The following PDE3B variants were observed in gnomAD, a reference collection of about 807,000 sequenced individuals.
PDE3B encodes the protein phosphodiesterase 3B, also known as cGMP-inhibited 3',5'-cyclic phosphodiesterase 3B.
Under a neutral mutation model 116.8 loss-of-function variants are expected in PDE3B, and 66 were observed. The ratio of observed to expected loss-of-function variants is 0.56; its 90% CI spans 0.46 to 0.69. The LOEUF (loss-of-function observed/expected upper bound fraction) is 0.69. Among genes scored for constraint, PDE3B ranks in the 30% least tolerant of loss-of-function variants. The pLI is 0.00. For missense variants in PDE3B, 1,384 were observed against 1,368.1 expected (o/e 1.01, Z -0.18); for synonymous variants, 595 against 533.6 (o/e 1.12, Z -1.59).
chr11:14,725,733 T>A (rs972925686), intron 1 of PDE3B, among the ~76,000 whole-genome samples: 1 of 150,802 alleles, frequency 6.6e-6, no homozygotes, highest in Non-Finnish European at 1.5e-5. Context: ...ACTTCAATTA[T>A]ATGCACTATT....
At chr11:14,838,743 A>G (rs1364306954) in intron 11 of PDE3B, among the ~76,000 whole-genome samples, 1 of 152,210 alleles carries the variant, frequency 6.6e-6, no homozygotes, top group Non-Finnish European at 1.5e-5. Context: ...AACCTGGGGG[A>G]TATATGTCTG....
chr11:14,693,391 T>C (rs144557740), intron 1 of PDE3B, among the ~76,000 whole-genome samples: 1 of 152,320 alleles, frequency 6.6e-6, no homozygotes, highest in African/African-American at 2.4e-5. Context: ...GCTAGGACTT[T>C]CTAGCTAGAG....
rs1859889381 is a variant in PDE3B, at chr11:14,831,748, G to C, written c.2065G>C (p.Gly689Arg). Residue 689 changes from glycine (G) to arginine (R), a missense_variant, in exon 9 of 16, where the codon GGA (glycine) becomes CGA (arginine). By Grantham distance (125) the Gly-to-Arg change is moderately radical. This residue lies in a region of PDE3B where 428 missense variants were observed against 561.4 expected (regional missense o/e 0.76). Coordinates refer to ENST00000282096, the MANE Select transcript of PDE3B (RefSeq NM_000922.4). Reference protein sequence around the residue: ...FPIFELVEKMGEKSGRILSQV... With the variant: ...FPIFELVEKMREKSGRILSQV... Reference sequence around the variant, plus strand: ...AATTTTTGAACTTGTAGAAAAGATGGGAGAGAAATCAGGAAGGATTCTCAG... The same window carrying C: ...AATTTTTGAACTTGTAGAAAAGATGCGAGAGAAATCAGGAAGGATTCTCAG... 1 of 1,604,344 alleles carries C rather than the reference G, an allele frequency of 6.2e-7. No homozygotes were observed. The highest frequency in any genetic ancestry group is 1.7e-5 in the Admixed American group (1 of 59,088).
At chr11:14,700,900 A>G (rs1219927937) in intron 1 of PDE3B, 2 of 151,828 alleles carry the variant, frequency 1.3e-5, no homozygotes, top group Admixed American at 1.3e-4. Context: ...ATCAATTACT[A>G]CTTGTATATT....
At chr11:14,733,143 A>G (rs1172011297) in intron 1 of PDE3B, among the ~76,000 whole-genome samples, 1 of 152,180 alleles carries the variant, frequency 6.6e-6, no homozygotes, top group Non-Finnish European at 1.5e-5. Flanking sequence ...AAGATGCTTG[A>G]ACATTTTGAT....
At chr11:14,765,556 A>C (rs1203977416) in intron 1 of PDE3B, among the ~76,000 whole-genome samples, 1 of 151,926 alleles carries the variant, frequency 6.6e-6, no homozygotes, top group Non-Finnish European at 1.5e-5. Context: ...AATAGTATAT[A>C]TTACTTAGAG....
intron 1 of PDE3B, among the ~76,000 whole-genome samples, chr11:14,755,134 G>A (rs1857150791): frequency 1.3e-5 from 2 of 152,164 alleles, no homozygotes; most frequent in Admixed American, 1.3e-4. Context: ...TATAGTAAAA[G>A]TCATTTTGAT....
intron 1 of PDE3B, among the ~76,000 whole-genome samples, chr11:14,696,328 AT>A (rs1159182683): frequency 6.6e-6 from 1 of 152,124 alleles, no homozygotes. Context: ...GTGTCTGTTC[AT>A]ATCCTTTGTA....
Position 14,645,017 on chromosome 11 carries a change from C to T in PDE3B, c.942C>T (p.Phe314=). The T allele has an allele frequency of 1.9e-6, 3 of 1,612,606 alleles. No homozygotes were observed. Among genetic ancestry groups the T allele is most frequent in the Admixed American group, 3.3e-5 (2 of 59,800 alleles). ...GTTACTATGGCAGTTGCAAAATATT[C>T]AGGAGACCGTCGTTGCCTTGTATTT... ...AASYYGSCKI[F]RRPSLPCISR... Residue 314 remains phenylalanine (F), a synonymous_variant, in exon 1 of 16, where the codon TTC becomes TTT. Coordinates refer to ENST00000282096, the MANE Select transcript of PDE3B (RefSeq NM_000922.4).
At chr11:14,813,383 C>T (rs1427002170) in intron 5 of PDE3B, among the ~76,000 whole-genome samples, 10 of 152,154 alleles carry the variant, frequency 6.6e-5, no homozygotes, top group Non-Finnish European at 8.8e-5. Context: ...TGCCTGGATT[C>T]CTGGCCCATG....
intron 11 of PDE3B, among the ~76,000 whole-genome samples, chr11:14,839,489 AT>A (rs1041859288): frequency 3.3e-5 from 5 of 152,208 alleles, no homozygotes; most frequent in African/African-American, 1.2e-4. Context: ...ATGATGGTGG[AT>A]TATTCTCAAT....
At chr11:14,718,105 G>A (rs1198742318) in intron 1 of PDE3B, among the ~76,000 whole-genome samples, 5 of 145,466 alleles carry the variant, frequency 3.4e-5, no homozygotes, top group African/African-American at 1.0e-4. Flanking sequence ...AACAAAAAAA[G>A]GCAGGGGTTG....
chr11:14,843,626 G>T (rs1439029390), intron 11 of PDE3B, among the ~76,000 whole-genome samples: 2 of 152,150 alleles, frequency 1.3e-5, no homozygotes, highest in African/African-American at 4.8e-5. Flanking sequence ...AGCAACTTCA[G>T]GGTCAGATTT....
In PDE3B at chr11:14,656,655, T is replaced by C. The variant is rs916568377; in HGVS notation, c.978+11602T>C. On this transcript the variant is annotated intron_variant, in intron 1 of 15. Coordinates refer to ENST00000282096, the MANE Select transcript of PDE3B (RefSeq NM_000922.4). ...ATTAGGGGTAATCACAGTACCTATC[T>C]TATTGATGTGAAATAGATGTGATAT... 3.9e-5 allele frequency among the ~76,000 whole-genome samples: 6 copies of C among 152,314 alleles called. No individual in the cohort carries two copies. In the East Asian group the frequency reaches 1.2e-3, roughly 29 times the overall value.
At chr11:14,802,701 G>A (rs984525471) in intron 4 of PDE3B, among the ~76,000 whole-genome samples, 3 of 152,074 alleles carry the variant, frequency 2.0e-5, no homozygotes, top group Admixed American at 6.5e-5. Flanking sequence ...GGCAGTTGCC[G>A]GTATGAAATA....
chr11:14,773,976 A>G (rs1002071855), intron 2 of PDE3B: 31 of 152,390 alleles, frequency 2.0e-4, no homozygotes, highest in African/African-American at 7.5e-4. Context: ...TCGGTCTCCC[A>G]GCCCCTTGGG....
the PDE3B span, chr11:14,887,018 C>T: frequency 6.6e-6 from 1 of 152,258 alleles, no homozygotes; most frequent in Non-Finnish European, 1.5e-5. Flanking sequence ...GACTGCCTGC[C>T]ATAAGCAGTG....
the PDE3B span, among the ~76,000 whole-genome samples, chr11:14,893,125 A>C: frequency 6.6e-6 from 1 of 152,232 alleles, no homozygotes; most frequent in African/African-American, 2.4e-5. Flanking sequence ...TCACACAACA[A>C]ATATTTATTG....
the PDE3B span, among the ~76,000 whole-genome samples, chr11:14,878,896 CA>C: frequency 3.3e-5 from 5 of 152,100 alleles, no homozygotes; most frequent in East Asian, 7.8e-4. Flanking sequence ...CAGGGGTTCT[CA>C]AAAGTTCATC....
Sources: allele counts gnomAD v4.1 joint callset (sites outside exome capture counted in the v4.1 genomes callset), GRCh38; gene constraint gnomAD v4.1.1; regional missense constraint gnomAD v4.1.1; transcripts MANE v1.5; gene names NCBI Gene and HGNC (gene_info 2026-07-23, HGNC 2026-07-21).